Variants in HEATR3 observed in about 807,000 individuals in gnomAD.
The protein encoded by HEATR3 is HEAT repeat-containing protein 3.
Under a neutral mutation model 72.8 loss-of-function variants are expected in HEATR3, and 56 were observed. The observed-to-expected ratio is 0.77, with a 90% confidence interval of 0.62 to 0.96. HEATR3 has a LOEUF of 0.96. HEATR3 is among the 40% of genes least tolerant of loss of function. HEATR3 has a pLI of 0.00. For missense variants in HEATR3, 747 were observed against 831.4 expected (o/e 0.90, Z 1.25); for synonymous variants, 331 against 318.1 (o/e 1.04, Z -0.43).
chr16:50,082,206 G>A (rs2036882245), intron 7 of HEATR3, among the ~76,000 whole-genome samples: 1 of 152,090 alleles, frequency 6.6e-6, no homozygotes, highest in Admixed American at 6.6e-5. Context: ...AGCCGAGAAT[G>A]GTGGTGCATG....
chr16:50,071,187 A>G (rs2036603041), intron 4 of HEATR3, among the ~76,000 whole-genome samples: 1 of 152,030 alleles, frequency 6.6e-6, no homozygotes, highest in African/African-American at 2.4e-5. Flanking sequence ...TTTCTGCCCC[A>G]TTTTATGTCC....
In HEATR3 at chr16:50,072,731, T is replaced by A; in HGVS notation, c.622+17T>A. 7.0e-7 allele frequency: 1 copy of A among 1,418,926 alleles called. No individual in the cohort carries two copies. The highest frequency in any genetic ancestry group is 1.0e-6 in the Non-Finnish European group (1 of 1,001,424). 87.9% of individuals were successfully genotyped at this position (1,418,926 alleles called of 1,614,324 possible). On this transcript the variant is annotated intron_variant, in intron 5 of 14. Coordinates refer to ENST00000299192, the MANE Select transcript of HEATR3 (RefSeq NM_182922.4). Reference sequence around the variant, plus strand: ...TTTCAGTAGGTAAGTGAAGAAAAGGTGATGACTTATTAAGAATGTGTAGCC... The same window carrying A: ...TTTCAGTAGGTAAGTGAAGAAAAGGAGATGACTTATTAAGAATGTGTAGCC...
chr16:50,077,435 G>A (rs1467226185), intron 6 of HEATR3, among the ~76,000 whole-genome samples: 8 of 152,154 alleles, frequency 5.3e-5, no homozygotes, highest in Admixed American at 2.0e-4. Flanking sequence ...AATTACAGGC[G>A]TGAGCCACAG....
intron 11 of HEATR3, among the ~76,000 whole-genome samples, chr16:50,094,333 G>A (rs2037183252): frequency 6.6e-6 from 1 of 152,192 alleles, no homozygotes; most frequent in South Asian, 2.1e-4. Flanking sequence ...CTCCACCAAA[G>A]GTAGTTCTAC....
intron 11 of HEATR3, among the ~76,000 whole-genome samples, chr16:50,091,782 G>C (rs1597165774): frequency 6.6e-6 from 1 of 150,996 alleles, no homozygotes; most frequent in East Asian, 2.0e-4. Flanking sequence ...GCTGAGGCAG[G>C]AGAATGGCAT....
At chr16:50,101,106 C>CTTTTTTTTTTTTTTT (rs5816674) in intron 13 of HEATR3, among the ~76,000 whole-genome samples, 6 of 144,342 alleles carry the variant, frequency 4.2e-5, no homozygotes, top group Non-Finnish European at 4.5e-5. Flanking sequence ...ACTTGCAAAG[C>CTTTTTTTTTTTTTTT]TTTTTTTTTT....
chr16:50,086,652 A>G (rs1358187275), intron 11 of HEATR3, among the ~76,000 whole-genome samples: 1 of 152,216 alleles, frequency 6.6e-6, no homozygotes, highest in African/African-American at 2.4e-5. Context: ...ATTCTCAGCC[A>G]AGCACGGTGG....
intron 3 of HEATR3, among the ~76,000 whole-genome samples, 157 bp downstream of exon 3, chr16:50,069,024 C>G (rs2036557021): frequency 6.6e-6 from 1 of 152,078 alleles, no homozygotes; most frequent in African/African-American, 2.4e-5. Context: ...ATTATTGATA[C>G]TAATCTCTAT....
At chr16:50,098,395 C>T (rs1008897122) in intron 12 of HEATR3, 5 of 152,174 alleles carry the variant, frequency 3.3e-5, no homozygotes, top group African/African-American at 1.2e-4. Flanking sequence ...GTGGCTCACG[C>T]CTGTAATCCC....
At chr16:50,100,038 C>T (rs550625574) in intron 12 of HEATR3, among the ~76,000 whole-genome samples, 192 bp from the exon 13 acceptor site, 3 of 152,248 alleles carry the variant, frequency 2.0e-5, no homozygotes, top group African/African-American at 7.2e-5. Context: ...GCAGGGTTCA[C>T]CTTAGTTCAG....
intron 7 of HEATR3, among the ~76,000 whole-genome samples, chr16:50,081,464 C>G (rs190396703): frequency 1.3e-5 from 2 of 151,768 alleles, no homozygotes; most frequent in Admixed American, 1.3e-4. Flanking sequence ...AAACTAAATA[C>G]AAATAGAAAT....
rs12928804 is a variant in HEATR3 at position 50,105,503 on chromosome 16, C to T, written c.*442C>T. 4,767 of 152,052 alleles carry T rather than the reference C, an allele frequency of 0.031. 248 individuals carry two copies. The highest frequency in any genetic ancestry group is 0.2 in the East Asian group (991 of 5,064). The allele number at this position is 152,052 out of a possible 1,614,324, so 9.4% of individuals were successfully genotyped here. ...AAAAAACTTCAAAACCTGTCAGAAA[C>T]TCTGTTGCTGGTTTTTTTGTGTGTG... is the stretch of plus-strand genomic sequence containing the variant. On this transcript the variant is annotated 3_prime_UTR_variant, in exon 15 of 15. Transcript: ENST00000299192.
rs144387408 is a variant in HEATR3 at position 50,070,973 on chromosome 16, T to C, written c.512+683T>C. ...CTTTGGTTTGGCCTCTAGACTGAGA[T>C]GGGGACCACAGACCTTGGCTGGTGC... On this transcript the variant is annotated intron_variant, in intron 4 of 14. Transcript: ENST00000299192. Among the ~76,000 whole-genome samples, 34 of 152,326 alleles carry C rather than the reference T, an allele frequency of 2.2e-4. No individual in the cohort carries two copies. The East Asian group carries it at 5.6e-3, about 25-fold the overall frequency.
At chr16:50,098,512 C>T (rs983766843) in intron 12 of HEATR3, among the ~76,000 whole-genome samples, 1 of 151,862 alleles carries the variant, frequency 6.6e-6, no homozygotes, top group African/African-American at 2.4e-5. Flanking sequence ...AAAAATTAGC[C>T]GGGTGTGGTG....
chr16:50,066,786 G>A (rs917076201), intron 2 of HEATR3: 5 of 386,662 alleles, frequency 1.3e-5, no homozygotes, highest in Non-Finnish European at 2.3e-5. Flanking sequence ...CACGCCTTGC[G>A]CACGTTTTAC....
At chr16:50,071,709 T>C (rs2036615159) in intron 4 of HEATR3, among the ~76,000 whole-genome samples, 1 of 152,214 alleles carries the variant, frequency 6.6e-6, no homozygotes, top group Non-Finnish European at 1.5e-5. Flanking sequence ...GGTAGGTAGA[T>C]AGAAGATATG....
At position 50,070,295 on chromosome 16, in the gene HEATR3, G is replaced by C. The variant is rs1567424825; in HGVS notation, c.512+5G>C. 7.0e-7 allele frequency: 1 copy of C among 1,425,046 alleles called. No individual in the cohort carries two copies. The allele number at this position is 1,425,046 out of a possible 1,614,324, so 88.3% of individuals were successfully genotyped here. A position where few individuals can be genotyped will look rare whatever the true frequency, so the allele number is the denominator to read the frequency against. On this transcript the variant is annotated splice_donor_5th_base_variant and intron_variant, in intron 4 of 14. Coordinates refer to ENST00000299192, the MANE Select transcript of HEATR3 (RefSeq NM_182922.4). ...GAACGTGCTGTGGAATATATGGTAA[G>C]ATGCCTACCAAACACAGTCTCCTGC...
intron 8 of HEATR3, 48 bp downstream of exon 8, chr16:50,084,075 A>G: frequency 6.2e-7 from 1 of 1,613,854 alleles, no homozygotes; most frequent in African/African-American, 1.3e-5. Flanking sequence ...GCCAAGAGGG[A>G]AACTCCCGTG....
intron 5 of HEATR3, chr16:50,073,056 C>T: frequency 8.8e-6 from 2 of 228,370 alleles, no homozygotes; most frequent in South Asian, 1.3e-4. Context: ...GGCCTTTAAG[C>T]CAGTTAATTG....
Sources: gnomAD v4.1 joint callset for allele counts (sites outside exome capture counted in the v4.1 genomes callset) on GRCh38, gnomAD v4.1.1 for gene constraint, MANE v1.5 for transcripts, NCBI Gene and HGNC (gene_info 2026-07-23, HGNC 2026-07-21) for gene names.